The following GUCY1A2 variants were observed in gnomAD, a reference collection of about 807,000 sequenced individuals.
GUCY1A2 encodes the protein guanylate cyclase 1 soluble subunit alpha 2.
In GUCY1A2, 27 loss-of-function variants were observed where a neutral mutation model predicts 63.5. The ratio of observed to expected loss-of-function variants is 0.43; its 90% confidence interval spans 0.31 to 0.59. The LOEUF (loss-of-function observed/expected upper bound fraction) is 0.59, where lower values mean the gene tolerates loss of function less well. Among genes scored for constraint, GUCY1A2 ranks in the 20% least tolerant of loss-of-function variants. The probability of loss-of-function intolerance (pLI) is 0.11; values close to 1 mark genes in which losing one functional copy is unlikely to be tolerated. For missense variants in GUCY1A2, 768 were observed against 913.3 expected, an observed-to-expected ratio of 0.84 and a Z score of 2.05; for synonymous variants, 364 against 343.5, an observed-to-expected ratio of 1.06 and a Z score of -0.66.
intron 4 of GUCY1A2, among the ~76,000 whole-genome samples, chr11:106,821,930 A>T (rs1858908782): frequency 6.6e-6 from 1 of 152,130 alleles, no homozygotes; most frequent in Non-Finnish European, 1.5e-5. Flanking sequence ...GGAACAAGTC[A>T]GGGGTGTTTG....
intron 5 of GUCY1A2, among the ~76,000 whole-genome samples, chr11:106,803,300 A>G (rs1045125956): frequency 4.6e-5 from 7 of 152,162 alleles, no homozygotes; most frequent in Non-Finnish European, 2.9e-5. Context: ...AGATGGAAGC[A>G]TCTTTAAGAA....
At chr11:106,988,071 C>G (rs1367109345) in intron 1 of GUCY1A2, among the ~76,000 whole-genome samples, 1 of 152,186 alleles carries the variant, frequency 6.6e-6, no homozygotes, top group African/African-American at 2.4e-5. Flanking sequence ...CTCATCCAAA[C>G]AGACTCAAAG....
At chr11:106,827,864 A>T in intron 4 of GUCY1A2, 1 of 1,597,086 alleles carries the variant, frequency 6.3e-7, no homozygotes, top group Non-Finnish European at 8.6e-7. Context: ...ACTTCCCTGC[A>T]GTCATGGGAG....
chr11:106,937,776 T>C (rs1176701069), intron 4 of GUCY1A2, among the ~76,000 whole-genome samples: 6 of 152,178 alleles, frequency 3.9e-5, no homozygotes, highest in Non-Finnish European at 8.8e-5. Context: ...GATCAAATAA[T>C]ACTAATTCAT....
At chr11:106,837,936 C>G (rs1308291862) in intron 4 of GUCY1A2, among the ~76,000 whole-genome samples, 1 of 151,736 alleles carries the variant, frequency 6.6e-6, no homozygotes, top group Admixed American at 6.6e-5. Flanking sequence ...GTCACCATTC[C>G]AAGCCTTTTC....
At chr11:106,924,111 CAT>C (rs1460534941) in intron 4 of GUCY1A2, among the ~76,000 whole-genome samples, 8 of 152,128 alleles carry the variant, frequency 5.3e-5, no homozygotes, top group African/African-American at 1.7e-4. Flanking sequence ...AAGCAGTACA[CAT>C]ATGTTTTGTC....
intron 5 of GUCY1A2, among the ~76,000 whole-genome samples, chr11:106,802,523 C>T (rs565843774): frequency 6.6e-6 from 1 of 152,246 alleles, no homozygotes; most frequent in Non-Finnish European, 1.5e-5. Context: ...GAAGAAATTT[C>T]CACACTTTCT....
At position 107,018,212 on chromosome 11, in the gene GUCY1A2, G is replaced by T. The variant is rs1272942497; in HGVS notation, c.-157C>A. 1 of 221,046 alleles carries T rather than the reference G, an allele frequency of 4.5e-6. No homozygotes were observed. Among genetic ancestry groups the T allele is most frequent in the South Asian group, 1.6e-4 (1 of 6,340 alleles). The allele number at this position is 221,046 out of a possible 1,614,324, so 13.7% of individuals were successfully genotyped here. A position where few individuals can be genotyped will look rare whatever the true frequency, so the allele number is the denominator to read the frequency against. On this transcript the variant is annotated 5_prime_UTR_variant, in exon 1 of 8. Transcript: ENST00000526355. ...GCGGGGCGGGAGTCCCCGGGGCCGC[G>T]GAGCCCCCCGAGCCGGCTGCTCATG...
intron 6 of GUCY1A2, among the ~76,000 whole-genome samples, chr11:106,720,008 T>C (rs1288545368): frequency 6.6e-6 from 1 of 152,230 alleles, no homozygotes; most frequent in East Asian, 1.9e-4. Flanking sequence ...CAATATTCCA[T>C]TTTGCTCCCA....
At chr11:106,879,112 CT>C (rs5794501) in intron 4 of GUCY1A2, among the ~76,000 whole-genome samples, 14,962 of 152,002 alleles carry the variant, frequency 0.098, 798 homozygotes, top group East Asian at 0.14. Flanking sequence ...CCAGAACAGT[CT>C]TTTTTAGTGC....
chr11:106,926,299 C>CT (rs1054244170), intron 4 of GUCY1A2, among the ~76,000 whole-genome samples: 3 of 151,788 alleles, frequency 2.0e-5, no homozygotes, highest in Admixed American at 2.0e-4. Context: ...TTAGCTGGGC[C>CT]TAGGGGTGCA....
At chr11:106,832,546 G>T (rs993782016) in intron 4 of GUCY1A2, among the ~76,000 whole-genome samples, 2 of 152,070 alleles carry the variant, frequency 1.3e-5, no homozygotes, top group Non-Finnish European at 2.9e-5. Flanking sequence ...AGGTATTCTT[G>T]TCTGGAGCAT....
At chr11:106,966,906 G>C (rs1405367124) in intron 3 of GUCY1A2, among the ~76,000 whole-genome samples, 1 of 151,852 alleles carries the variant, frequency 6.6e-6, no homozygotes, top group Non-Finnish European at 1.5e-5. Flanking sequence ...GTAAGATTGA[G>C]AATAAGAATA....
At chr11:106,992,875 T>C (rs1192650766) in intron 1 of GUCY1A2, among the ~76,000 whole-genome samples, 1 of 152,112 alleles carries the variant, frequency 6.6e-6, no homozygotes, top group African/African-American at 2.4e-5. Flanking sequence ...TTCCCCACCC[T>C]CTGAGCACCC....
At chr11:106,756,106 CTTCT>C (rs1467763635) in intron 6 of GUCY1A2, among the ~76,000 whole-genome samples, 3 of 152,082 alleles carry the variant, frequency 2.0e-5, no homozygotes, top group African/African-American at 7.2e-5. Context: ...ATGTAATGGC[CTTCT>C]TTGTCTCTTT....
chr11:106,930,119 G>A (rs7110014), intron 4 of GUCY1A2, among the ~76,000 whole-genome samples: 4,908 of 152,224 alleles, frequency 0.032, 257 homozygotes, highest in African/African-American at 0.11. Context: ...GTTTAAATAT[G>A]TCTTCAGTGA....
In GUCY1A2 at chr11:106,962,045, T is replaced by A. The variant is rs572362271; in HGVS notation, c.487+16574A>T. On this transcript the variant is annotated intron_variant, in intron 3 of 7. Coordinates refer to ENST00000526355, the MANE Select transcript of GUCY1A2 (RefSeq NM_000855.3). ...AAGAATAAAGTTAAGTCCAATAAAG[T>A]TCCTATGTGGAGATACCAAGATTTA... Among the ~76,000 whole-genome samples the A allele has an allele frequency of 2.0e-4, 30 of 152,316 alleles. 1 individual carries two copies. In the South Asian group the frequency reaches 6.0e-3, roughly 30 times the overall value.
In GUCY1A2 at chr11:106,800,490, A is replaced by G. The variant is rs185264583; in HGVS notation, c.1692+9503T>C. On this transcript the variant is annotated intron_variant, in intron 5 of 7. Coordinates refer to ENST00000526355, the MANE Select transcript of GUCY1A2 (RefSeq NM_000855.3). ...ATAGCAAAGACTTGGAACCAACCCAAATGTCCATCAATGATAGACTGGATT... is the reference window on the plus strand; with the variant it reads ...ATAGCAAAGACTTGGAACCAACCCAGATGTCCATCAATGATAGACTGGATT... 4.2e-3 allele frequency among the ~76,000 whole-genome samples: 646 copies of G among 152,294 alleles called. 6 individuals are homozygous for G. The highest frequency in any genetic ancestry group is 0.01 in the South Asian group (50 of 4,830).
chr11:106,784,032 C>G (rs1377701271), intron 5 of GUCY1A2, among the ~76,000 whole-genome samples: 1 of 152,080 alleles, frequency 6.6e-6, no homozygotes, highest in East Asian at 1.9e-4. Context: ...TTTGCCTCCT[C>G]CTTCATCTCT....
Sources: allele counts gnomAD v4.1 joint callset (sites outside exome capture counted in the v4.1 genomes callset), GRCh38; gene constraint gnomAD v4.1.1; transcripts MANE v1.5; gene names NCBI Gene and HGNC (gene_info 2026-07-23, HGNC 2026-07-21).